RAB7A: variants seen among roughly 807,000 people sequenced by gnomAD.
RAB7A encodes RAB7A, member RAS oncogene family, also known as ras-related protein Rab-7a.
RAB7A carries 2 observed loss-of-function variants against 24.5 expected under a neutral mutation model. The observed-to-expected ratio is 0.08, with a 90% confidence interval of 0.03 to 0.26. The LOEUF (loss-of-function observed/expected upper bound fraction) is 0.26, where lower values mean the gene tolerates loss of function less well. RAB7A is among the 10% of genes least tolerant of loss of function. The pLI, the probability that RAB7A is intolerant of heterozygous loss-of-function variation, is 1.00. For synonymous variants in RAB7A, 100 were observed against 95.9 expected (o/e 1.04, Z -0.25); for missense variants, 118 against 255.7 (o/e 0.46, Z 3.67).
At chr3:128,794,621 C>G (rs923065620) in intron 1 of RAB7A, among the ~76,000 whole-genome samples, 7 of 152,080 alleles carry the variant, frequency 4.6e-5, no homozygotes, top group African/African-American at 1.2e-4. Flanking sequence ...CAGCAGGAGC[C>G]CTGTCTTGAT....
At chr3:128,728,159 C>T (rs2070399131) in intron 1 of RAB7A, among the ~76,000 whole-genome samples, 1 of 152,114 alleles carries the variant, frequency 6.6e-6, no homozygotes, top group South Asian at 2.1e-4. Flanking sequence ...TTCCTGTCCT[C>T]AAGGAATTTT....
chr3:128,747,032 C>T (rs977927695), intron 1 of RAB7A, among the ~76,000 whole-genome samples: 1 of 151,622 alleles, frequency 6.6e-6, no homozygotes, highest in Middle Eastern at 3.4e-3. Flanking sequence ...AGGCTGGGTG[C>T]GGTGGTTCAC....
chr3:128,736,553 G>A (rs905835824), intron 1 of RAB7A, among the ~76,000 whole-genome samples: 9 of 152,142 alleles, frequency 5.9e-5, no homozygotes, highest in Non-Finnish European at 1.0e-4. Flanking sequence ...CGTGATAGGA[G>A]TATTGATGGC....
rs1355010256 is a variant in RAB7A at position 128,795,344 on chromosome 3, C to T, written c.-8-16C>T. On this transcript the variant is annotated splice_polypyrimidine_tract_variant and intron_variant, in intron 1 of 5. Transcript: ENST00000265062. ...TTCCATCACACTCACAGTGATTTCTCCTTTTCCCCCTTTAGTTTGAAGGAT... is the reference window on the plus strand; with the variant it reads ...TTCCATCACACTCACAGTGATTTCTTCTTTTCCCCCTTTAGTTTGAAGGAT... 3 of 1,605,024 alleles carry T rather than the reference C, an allele frequency of 1.9e-6. No homozygotes were observed. Among genetic ancestry groups the T allele is most frequent in the Non-Finnish European group, 2.6e-6 (3 of 1,171,706 alleles).
At chr3:128,796,614 C>T (rs1223744301) in intron 2 of RAB7A, among the ~76,000 whole-genome samples, 1 of 151,890 alleles carries the variant, frequency 6.6e-6, no homozygotes, top group Non-Finnish European at 1.5e-5. Context: ...CTTTGAAAAG[C>T]CAGAGGTTTT....
At chr3:128,768,969 C>A in intron 1 of RAB7A, among the ~76,000 whole-genome samples, 1 of 72,614 alleles carries the variant, frequency 1.4e-5, no homozygotes, top group Admixed American at 1.9e-4. Context: ...TCTTTCTTTC[C>A]TTTTTTTTTT....
intron 1 of RAB7A, among the ~76,000 whole-genome samples, chr3:128,761,088 A>G (rs532884978): frequency 2.2e-4 from 34 of 152,290 alleles, no homozygotes; most frequent in African/African-American, 7.9e-4. Context: ...GTAAGTGTAT[A>G]AAAAGTAAGC....
intron 1 of RAB7A, among the ~76,000 whole-genome samples, chr3:128,773,732 A>T (rs1419408593): frequency 6.6e-6 from 1 of 152,244 alleles, no homozygotes; most frequent in Non-Finnish European, 1.5e-5. Flanking sequence ...TTTGTTCTGT[A>T]CTAAGAAAAA....
At chr3:128,773,765 T>C (rs1933013134) in intron 1 of RAB7A, among the ~76,000 whole-genome samples, 1 of 152,236 alleles carries the variant, frequency 6.6e-6, no homozygotes, top group South Asian at 2.1e-4. Context: ...GGGATGCTGT[T>C]GATCTATGAC....
chr3:128,757,205 C>T (rs1389333865), intron 1 of RAB7A, among the ~76,000 whole-genome samples: 1 of 152,126 alleles, frequency 6.6e-6, no homozygotes, highest in African/African-American at 2.4e-5. Flanking sequence ...CTCATGCCAA[C>T]CAGAGACTAT....
rs373510884 is a variant in RAB7A, at chr3:128,797,946, C to G, written c.57C>G (p.Val19=). 1.2e-6 allele frequency: 2 copies of G among 1,613,538 alleles called. No homozygotes were observed. The highest frequency in any genetic ancestry group is 1.7e-6 in the Non-Finnish European group (2 of 1,179,628). The change falls in exon 3 of 6, where the codon GTC becomes GTG. Residue 19 remains valine, a synonymous_variant. Transcript: ENST00000265062. The stretch of plus-strand genomic sequence containing the variant: ...TATGGTTTTTCTCCAATTTCAGAGT[C>G]GGGAAGACATCACTCATGAACCAGT... ...LKVIILGDSG[V]GKTSLMNQYV...
chr3:128,786,382 C>T (rs189669897), intron 1 of RAB7A, among the ~76,000 whole-genome samples: 7 of 151,972 alleles, frequency 4.6e-5, no homozygotes, highest in Non-Finnish European at 8.8e-5. Context: ...ATGTGACTTT[C>T]GATGCCTTTC....
chr3:128,748,767 T>C (rs980818396), intron 1 of RAB7A: 2 of 152,180 alleles, frequency 1.3e-5, no homozygotes, highest in African/African-American at 4.8e-5. Flanking sequence ...GGGTTGAGGG[T>C]AAGCAGTTTG....
rs1427100920 is a variant in RAB7A at position 128,794,327 on chromosome 3, C to T, written c.-8-1033C>T. Among the ~76,000 whole-genome samples, 5 of 152,308 alleles carry T rather than the reference C, an allele frequency of 3.3e-5. No individual in the cohort carries two copies. The East Asian group carries it at 9.6e-4, about 29-fold the overall frequency. On this transcript the variant is annotated intron_variant, in intron 1 of 5. Transcript: ENST00000265062. ...TTATTTATTCAGTCTTCACAGCATT[C>T]TTAGGACATAAGAGCTGTCATCTCT...
At chr3:128,812,828 T>G (rs1186580392) in intron 5 of RAB7A, among the ~76,000 whole-genome samples, 4 of 151,726 alleles carry the variant, frequency 2.6e-5, no homozygotes. Context: ...GATAGGGAGG[T>G]AGAAGGAATG....
intron 1 of RAB7A, among the ~76,000 whole-genome samples, chr3:128,762,109 T>C (rs2070779987): frequency 6.6e-6 from 1 of 152,224 alleles, no homozygotes; most frequent in Non-Finnish European, 1.5e-5. Flanking sequence ...ATTGTTTTAA[T>C]ATTTTACCAC....
At chr3:128,734,289 G>A (rs1020327202) in intron 1 of RAB7A, among the ~76,000 whole-genome samples, 1 of 151,878 alleles carries the variant, frequency 6.6e-6, no homozygotes, top group African/African-American at 2.4e-5. Flanking sequence ...AAATTAGCCA[G>A]GCGTGGTGGT....
At chr3:128,775,208 C>G (rs1046829543) in intron 1 of RAB7A, among the ~76,000 whole-genome samples, 3 of 152,110 alleles carry the variant, frequency 2.0e-5, no homozygotes, top group Non-Finnish European at 4.4e-5. Context: ...AGAAATGCAA[C>G]CTGGACATTT....
intron 1 of RAB7A, among the ~76,000 whole-genome samples, chr3:128,747,515 GGCGGAGGTT>G (rs1188287092): frequency 2.0e-5 from 3 of 151,406 alleles, no homozygotes; most frequent in Non-Finnish European, 4.4e-5. Context: ...GAACCCAGGA[GGCGGAGGTT>G]GCAGTGAGCC....
Sources: gnomAD v4.1 joint callset for allele counts (sites outside exome capture counted in the v4.1 genomes callset) on GRCh38, gnomAD v4.1.1 for gene constraint, MANE v1.5 for transcripts, NCBI Gene and HGNC (gene_info 2026-07-23, HGNC 2026-07-21) for gene names.